The following LCN8 variants were observed in gnomAD, a reference collection of about 807,000 sequenced individuals.
LCN8 encodes the protein epididymal-specific lipocalin-8.
In LCN8, 16 loss-of-function variants were observed where a neutral mutation model predicts 22.8. That is an observed-to-expected ratio of 0.70 (90% CI 0.47 to 1.06). The LOEUF (loss-of-function observed/expected upper bound fraction) is 1.06, where lower values mean the gene tolerates loss of function less well. Ranked by LOEUF, LCN8 falls within the 50% of genes least tolerant of loss-of-function variation. The pLI is 0.00. For synonymous variants in LCN8, 92 were observed against 83.4 expected (o/e 1.10, Z -0.56); for missense variants, 189 against 203.3 (o/e 0.93, Z 0.43).
intron 1 of LCN8, chr9:136,757,691 C>A: frequency 1.0e-6 from 1 of 985,462 alleles, no homozygotes; most frequent in Non-Finnish European, 1.2e-6. Context: ...AGGAAAGAAT[C>A]TTCGTCTCCG....
chr9:136,756,912 G>A (rs993547522), intron 2 of LCN8, 126 bp downstream of exon 2: 13 of 1,124,874 alleles, frequency 1.2e-5, no homozygotes, highest in African/African-American at 4.7e-5. Flanking sequence ...GACGGGCACC[G>A]GGAGTGCTGG....
chr9:136,757,489 G>C, intron 1 of LCN8: 1 of 1,352,022 alleles, frequency 7.4e-7, no homozygotes, highest in Non-Finnish European at 9.5e-7. Flanking sequence ...TCGGAGGCAG[G>C]ACCCAGGAGC....
intron 6 of LCN8, chr9:136,754,926 C>T: frequency 7.2e-7 from 1 of 1,388,966 alleles, no homozygotes; most frequent in Non-Finnish European, 9.3e-7. Flanking sequence ...AGGGTCACCA[C>T]CCTGGAGGTT....
In LCN8 at chr9:136,755,207, C is replaced by T. The variant is rs568096316; in HGVS notation, c.421+37G>A. 66 of 1,609,402 alleles carry T rather than the reference C, an allele frequency of 4.1e-5. No homozygotes were observed. In the East Asian group the frequency reaches 1.5e-3, roughly 36 times the overall value. On this transcript the variant is annotated intron_variant, in intron 5 of 6. Transcript: ENST00000371688. ...GGAGCTGCAGAGTCAGCCCACAGGG[C>T]CCAGCCCAGCCTCCACCCCAAGGCC... is the stretch of plus-strand genomic sequence containing the variant.
At position 136,757,042 on chromosome 9, in the gene LCN8, T is replaced by A. The variant is rs1041479750; in HGVS notation, c.151A>T (p.Asn51Tyr). The change falls in exon 2 of 7, where the codon AAC (asparagine) becomes TAC (tyrosine). Residue 51 changes from asparagine (N) to tyrosine (Y), a missense_variant. Transcript: ENST00000371688. Reference protein sequence around the residue: ...GSNLTVKVAYNSSGSCEIEKI... With the variant: ...GSNLTVKVAYYSSGSCEIEKI... ...AGCAGCCCCCAGGCCTCTTACCTGT[T>A]ATATGCAACCTTCACGGTCAGGTTA... 1 of 1,613,174 alleles carries A rather than the reference T, an allele frequency of 6.2e-7. No individual in the cohort carries two copies. Among genetic ancestry groups the A allele is most frequent in the Non-Finnish European group, 8.5e-7 (1 of 1,179,702 alleles).
At chr9:136,757,366 A>C in intron 1 of LCN8, 198 bp from the exon 2 acceptor site, 1 of 1,432,944 alleles carries the variant, frequency 7.0e-7, no homozygotes, top group Non-Finnish European at 9.1e-7. Flanking sequence ...CCTTCAGGCC[A>C]TCAGACAGCA....
At chr9:136,756,383 G>A (rs1033022025) in intron 3 of LCN8, 139 bp downstream of exon 3, 154 of 1,598,822 alleles carry the variant, frequency 9.6e-5, no homozygotes, top group Non-Finnish European at 1.2e-4. Context: ...AACAGCATGG[G>A]GAACAGTGCA....
chr9:136,754,713 C>A, intron 6 of LCN8: 1 of 1,409,648 alleles, frequency 7.1e-7, no homozygotes, highest in Non-Finnish European at 9.2e-7. Context: ...GAGGGAGACA[C>A]TGGGTTCTCG....
rs1049160115 is a variant in LCN8, at chr9:136,757,237, C to T, written c.25-69G>A. On this transcript the variant is annotated intron_variant, in intron 1 of 6. Transcript: ENST00000371688. ...GAGACCCCCAGGGGCATTCCACGAA[C>T]CCCCGGGCAGGGGCCTGCTGGGCTC... 2.9e-5 allele frequency: 45 copies of T among 1,562,420 alleles called. No individual in the cohort carries two copies. The South Asian group carries it at 4.9e-4, about 17-fold the overall frequency.
At chr9:136,758,510 T>G, upstream of LCN8, 9 of 990,928 alleles carry the variant, frequency 9.1e-6, no homozygotes, top group Non-Finnish European at 9.6e-6. Flanking sequence ...AGAGTGACAG[T>G]GACAGTGGGG....
intron 1 of LCN8, chr9:136,757,392 C>T: frequency 7.0e-7 from 1 of 1,422,806 alleles, no homozygotes; most frequent in East Asian, 2.6e-5. Context: ...CACAGGGCAG[C>T]CCCTCCCCAC....
chr9:136,754,617 C>A, intron 6 of LCN8, 108 bp from the exon 7 acceptor site: 3 of 1,483,378 alleles, frequency 2.0e-6, no homozygotes, highest in Non-Finnish European at 2.7e-6. Flanking sequence ...CCTGGTTTTG[C>A]GCAAAGCACC....
chr9:136,754,622 AGCACCCAGCT>A, intron 6 of LCN8, 113 bp from the exon 7 acceptor site: 2 of 1,477,624 alleles, frequency 1.4e-6, no homozygotes, highest in Non-Finnish European at 1.8e-6. Flanking sequence ...TTTTGCGCAA[AGCACCCAGCT>A]CCCTGAGCGC....
chr9:136,755,661 T>A, intron 3 of LCN8, 145 bp from the exon 4 acceptor site: 3 of 1,303,172 alleles, frequency 2.3e-6, no homozygotes, highest in African/African-American at 3.2e-5. Flanking sequence ...TTTTGAAGGA[T>A]GATCCAGTGT....
chr9:136,754,959 A>G (rs1847147822), intron 6 of LCN8, 176 bp downstream of exon 6: 1 of 1,398,908 alleles, frequency 7.1e-7, no homozygotes, highest in Non-Finnish European at 9.3e-7. Context: ...AAACCAGGAG[A>G]CAGACTCATC....
Position 136,757,983 on chromosome 9 carries a change from G to C in LCN8, c.-53C>G. 6.2e-7 allele frequency: 1 copy of C among 1,608,516 alleles called. No homozygotes were observed. Among genetic ancestry groups the C allele is most frequent in the Non-Finnish European group, 8.5e-7 (1 of 1,178,410 alleles). On this transcript the variant is annotated 5_prime_UTR_variant, in exon 1 of 7. Transcript: ENST00000371688. ...CACGAGGACACCCAGGATGGTGCAC[G>C]GCAGCCTGGCCTCCGTGGCGGGGTC...
rs146461511 is a variant in LCN8, at chr9:136,757,088, C to A, written c.105G>T (p.Leu35Phe). The A allele has an allele frequency of 1.2e-6, 2 of 1,613,602 alleles. No homozygotes were observed. Among genetic ancestry groups the A allele is most frequent in the Non-Finnish European group, 1.7e-6 (2 of 1,179,858 alleles). ...VLTAPKRVEG[L>F]FLTLSGSNLT... ...GGTTACTCCCGCTCAAGGTGAGGAA[C>A]AAGCCCTCCACCCGCTTCGGGGCCG... Residue 35 changes from leucine (L) to phenylalanine (F), a missense_variant, in exon 2 of 7, where the codon TTG becomes TTT. By Grantham distance (22) the Leu-to-Phe change is conservative. Transcript: ENST00000371688.
chr9:136,755,433 A>T lies in LCN8; in HGVS notation c.310T>A (p.Phe104Ile). 1 of 1,611,470 alleles carries T rather than the reference A, an allele frequency of 6.2e-7. No homozygotes were observed. Among genetic ancestry groups the T allele is most frequent in the Middle Eastern group, 1.7e-4 (1 of 6,016 alleles). ...TTACTAAAGTACTTGAGGACGCGAA[A>T]GTTCCTGCCCCGCCACATCAGGGAC... ...RVSLMWRGRN[F>I]RVLKYFTRSL... Residue 104 changes from phenylalanine (F) to isoleucine (I), a missense_variant, in exon 4 of 7, where the codon TTT becomes ATT. Physicochemically the swap from Phe to Ile is conservative, Grantham distance 21 (BLOSUM62 0). Transcript: ENST00000371688.
chr9:136,754,791 C>A, intron 6 of LCN8: 1 of 1,372,330 alleles, frequency 7.3e-7, no homozygotes, highest in South Asian at 1.8e-5. Flanking sequence ...ACGGGACCTT[C>A]GGGGGCAGAA....
Sources: gnomAD v4.1 joint callset for allele counts on GRCh38, gnomAD v4.1.1 for gene constraint, MANE v1.5 for transcripts, NCBI Gene and HGNC (gene_info 2026-07-23, HGNC 2026-07-21) for gene names.